The following STXBP5L variants were observed in gnomAD, a reference collection of about 807,000 sequenced individuals.
STXBP5L encodes syntaxin binding protein 5L, also known as syntaxin-binding protein 5-like.
In STXBP5L, 65 loss-of-function variants were observed where a neutral mutation model predicts 144.5. The observed-to-expected ratio is 0.45, with a 90% CI of 0.37 to 0.55. STXBP5L has a LOEUF of 0.55. STXBP5L is among the 20% of genes least tolerant of loss of function. STXBP5L has a pLI of 0.00. For missense variants in STXBP5L, 1,298 were observed against 1,405.5 expected (o/e 0.92, Z 1.22); for synonymous variants, 505 against 469.6 (o/e 1.08, Z -0.97).
rs1295639171 is a variant in STXBP5L, at chr3:121,092,974, AGCATG to A, written c.471-21950_471-21946del. ...AATACCTAATTTATTGAGAGTTTTTAGCATGAAGAGTTGTTGAATTTTGTCAAAGG... is the reference window on the plus strand; with the variant it reads ...AATACCTAATTTATTGAGAGTTTTTAAAGAGTTGTTGAATTTTGTCAAAGG... On this transcript the variant is annotated intron_variant, in intron 5 of 26. Transcript: ENST00000471454. 2.0e-5 allele frequency among the ~76,000 whole-genome samples: 3 copies of A among 152,316 alleles called. No homozygotes were observed. The East Asian group carries it at 5.8e-4, about 29-fold the overall frequency.
At chr3:120,920,682 A>G (rs1709320168) in intron 2 of STXBP5L, among the ~76,000 whole-genome samples, 2 of 151,608 alleles carry the variant, frequency 1.3e-5, no homozygotes, top group African/African-American at 4.8e-5. Flanking sequence ...GGCAAACAAT[A>G]TACTCTCTGT....
At chr3:121,366,089 G>T (rs1288604588) in intron 20 of STXBP5L, among the ~76,000 whole-genome samples, 1 of 151,744 alleles carries the variant, frequency 6.6e-6, no homozygotes, top group Non-Finnish European at 1.5e-5. Context: ...TTCTGTTATT[G>T]ATTTCTAACT....
At chr3:121,014,471 C>A (rs1405153379) in intron 3 of STXBP5L, among the ~76,000 whole-genome samples, 1 of 151,836 alleles carries the variant, frequency 6.6e-6, no homozygotes, top group African/African-American at 2.4e-5. Context: ...TCTTGTAGTT[C>A]AAGACTTATT....
At chr3:121,279,023 A>G (rs2050969444) in intron 18 of STXBP5L, among the ~76,000 whole-genome samples, 1 of 151,830 alleles carries the variant, frequency 6.6e-6, no homozygotes, top group African/African-American at 2.4e-5. Context: ...GAACGTACAT[A>G]AAACAAGCAA....
intron 14 of STXBP5L, among the ~76,000 whole-genome samples, chr3:121,240,983 G>T (rs1405476843): frequency 6.6e-6 from 1 of 152,128 alleles, no homozygotes; most frequent in Non-Finnish European, 1.5e-5. Flanking sequence ...ATAAATATGA[G>T]ATTTAAAAAG....
At chr3:121,308,690 A>G (rs2043422672) in intron 19 of STXBP5L, among the ~76,000 whole-genome samples, 1 of 152,190 alleles carries the variant, frequency 6.6e-6, no homozygotes, top group Non-Finnish European at 1.5e-5. Flanking sequence ...TCACCAGAAC[A>G]AATAAAGAGA....
At chr3:121,017,778 C>A (rs1248154777) in intron 3 of STXBP5L, among the ~76,000 whole-genome samples, 1 of 147,900 alleles carries the variant, frequency 6.8e-6, no homozygotes, top group Non-Finnish European at 1.5e-5. Context: ...CATAGAAGAT[C>A]TAAATAAATG....
chr3:121,276,731 C>T (rs1265522545), intron 18 of STXBP5L, among the ~76,000 whole-genome samples: 1 of 151,292 alleles, frequency 6.6e-6, no homozygotes, highest in Non-Finnish European at 1.5e-5. Flanking sequence ...TTAATTTTTA[C>T]ATGTAATAAA....
At chr3:120,911,822 T>C (rs1348764210) in intron 2 of STXBP5L, among the ~76,000 whole-genome samples, 1 of 152,024 alleles carries the variant, frequency 6.6e-6, no homozygotes, top group Non-Finnish European at 1.5e-5. Context: ...TATGGATGTA[T>C]TATAATTACC....
chr3:121,396,234 C>T (rs2046726656), intron 22 of STXBP5L, among the ~76,000 whole-genome samples: 1 of 152,194 alleles, frequency 6.6e-6, no homozygotes, highest in Non-Finnish European at 1.5e-5. Context: ...TTCTCTATTT[C>T]CCCCTTTCTG....
intron 2 of STXBP5L, among the ~76,000 whole-genome samples, chr3:120,952,012 G>A (rs1711274099): frequency 6.6e-6 from 1 of 151,598 alleles, no homozygotes; most frequent in Non-Finnish European, 1.5e-5. Flanking sequence ...GTAGGGACAT[G>A]GATGAAACTG....
At chr3:121,251,546 G>A (rs1222691616) in intron 15 of STXBP5L, among the ~76,000 whole-genome samples, 3 of 152,162 alleles carry the variant, frequency 2.0e-5, no homozygotes, top group African/African-American at 7.2e-5. Context: ...GTGACTCTAA[G>A]TTTCTGAAGA....
At chr3:121,398,764 A>T (rs1379996803) in intron 22 of STXBP5L, among the ~76,000 whole-genome samples, 18 of 152,170 alleles carry the variant, frequency 1.2e-4, no homozygotes, top group Non-Finnish European at 8.8e-5. Context: ...ACAGGCCTTG[A>T]TATAATCAAC....
At chr3:121,176,972 A>G (rs1368640562) in intron 9 of STXBP5L, among the ~76,000 whole-genome samples, 2 of 152,064 alleles carry the variant, frequency 1.3e-5, no homozygotes, top group Non-Finnish European at 2.9e-5. Flanking sequence ...CTGAATCTGT[A>G]TATTTGAAAG....
At chr3:121,125,609 G>A (rs1192421533) in intron 7 of STXBP5L, among the ~76,000 whole-genome samples, 1 of 152,130 alleles carries the variant, frequency 6.6e-6, no homozygotes, top group Non-Finnish European at 1.5e-5. Context: ...GTATTGATTT[G>A]ATACAGCATT....
chr3:120,975,723 T>C (rs1940905967), intron 3 of STXBP5L, among the ~76,000 whole-genome samples: 1 of 152,202 alleles, frequency 6.6e-6, no homozygotes, highest in South Asian at 2.1e-4. Context: ...GTCCCATCAA[T>C]ACCTAATTTA....
chr3:121,185,660 T>A (rs2047346636), intron 9 of STXBP5L, among the ~76,000 whole-genome samples: 2 of 152,214 alleles, frequency 1.3e-5, no homozygotes, highest in Non-Finnish European at 2.9e-5. Flanking sequence ...GGTGTATATC[T>A]CTGTTTTGGT....
At chr3:121,039,831 A>G (rs1947022154) in intron 3 of STXBP5L, among the ~76,000 whole-genome samples, 1 of 151,702 alleles carries the variant, frequency 6.6e-6, no homozygotes, top group African/African-American at 2.4e-5. Context: ...TTCTTTCTCT[A>G]CCCCTCAGTG....
chr3:121,034,580 C>G (rs955459174), intron 3 of STXBP5L, among the ~76,000 whole-genome samples: 1 of 151,748 alleles, frequency 6.6e-6, no homozygotes, highest in East Asian at 1.9e-4. Flanking sequence ...ATCCATCTAT[C>G]TATGTATCTA....
Sources: allele counts gnomAD v4.1 joint callset (sites outside exome capture counted in the v4.1 genomes callset), GRCh38; gene constraint gnomAD v4.1.1; transcripts MANE v1.5; gene names NCBI Gene and HGNC (gene_info 2026-07-23, HGNC 2026-07-21).